Variants in PTPRD observed in about 807,000 individuals in gnomAD.
The protein encoded by PTPRD is receptor-type tyrosine-protein phosphatase delta.
PTPRD carries 34 observed loss-of-function variants against 214.5 expected under a neutral mutation model. That is an observed-to-expected ratio of 0.16 (90% CI 0.12 to 0.21). PTPRD has a LOEUF of 0.21. Ranked by LOEUF, PTPRD falls within the 10% of genes least tolerant of loss-of-function variation. The pLI is 1.00. For missense variants in PTPRD, 2,545 were observed against 2,398.7 expected, an observed-to-expected ratio of 1.06 and a Z score of -1.27; for synonymous variants, 1,128 against 845.7, an observed-to-expected ratio of 1.33 and a Z score of -5.79.
chr9:9,446,495 G>T (rs1177428974), intron 8 of PTPRD, among the ~76,000 whole-genome samples: 1 of 152,164 alleles, frequency 6.6e-6, no homozygotes, highest in Non-Finnish European at 1.5e-5. Flanking sequence ...AGGAATCAAT[G>T]TGGCCTTTGG....
intron 9 of PTPRD, among the ~76,000 whole-genome samples, chr9:9,241,812 T>C (rs1569565455): frequency 6.6e-6 from 1 of 151,922 alleles, no homozygotes; most frequent in Non-Finnish European, 1.5e-5. Flanking sequence ...TGCCAGTCTG[T>C]GTCTTTTAAT....
intron 10 of PTPRD, among the ~76,000 whole-genome samples, chr9:9,171,886 GT>G (rs891192852): frequency 4.6e-5 from 7 of 152,002 alleles, no homozygotes; most frequent in African/African-American, 1.7e-4. Flanking sequence ...CAAAAATAAG[GT>G]TAAAATTTGG....
Position 9,134,115 on chromosome 9 carries a change from G to C in PTPRD, c.-143+49189C>G, listed in dbSNP as rs1207929850. ...GAGTCTCGCTCTGTCGCCCAGGCTG[G>C]ACTGCGGACTGCAGTGGCGCAATCT... On this transcript the variant is annotated intron_variant, in intron 10 of 45. Transcript: ENST00000381196. Among the ~76,000 whole-genome samples, 2 of 122,540 alleles carry C rather than the reference G, an allele frequency of 1.6e-5. 1 individual carries two copies. The highest frequency in any genetic ancestry group is 1.9e-4 in the Admixed American group (2 of 10,440). 80.4% of individuals were successfully genotyped at this position (122,540 alleles called of 152,430 possible).
chr9:10,501,368 T>C (rs987719116), intron 2 of PTPRD, among the ~76,000 whole-genome samples: 2 of 152,048 alleles, frequency 1.3e-5, no homozygotes, highest in Non-Finnish European at 2.9e-5. Flanking sequence ...TAAACATTTG[T>C]CCATTTTTAA....
intron 11 of PTPRD, among the ~76,000 whole-genome samples, chr9:8,936,567 A>G (rs939078802): frequency 3.3e-5 from 5 of 151,746 alleles, no homozygotes; most frequent in Non-Finnish European, 7.4e-5. Context: ...TCAGTAGTTC[A>G]TCTCTAAGGC....
At chr9:9,069,354 C>CA (rs567174661) in intron 10 of PTPRD, among the ~76,000 whole-genome samples, 4 of 152,124 alleles carry the variant, frequency 2.6e-5, no homozygotes, top group Non-Finnish European at 5.9e-5. Flanking sequence ...TATTCACACA[C>CA]AAAAAACTGG....
chr9:8,614,619 A>G (rs1360789807), intron 14 of PTPRD, among the ~76,000 whole-genome samples: 2 of 152,160 alleles, frequency 1.3e-5, no homozygotes, highest in East Asian at 3.9e-4. Flanking sequence ...TATCTTTGCA[A>G]AGATAACTAC....
chr9:8,924,892 A>G (rs1342324403), intron 11 of PTPRD, among the ~76,000 whole-genome samples: 3 of 152,196 alleles, frequency 2.0e-5, no homozygotes, highest in Non-Finnish European at 4.4e-5. Flanking sequence ...CTGGGTAATC[A>G]GAATAAGCCT....
chr9:10,548,834 G>A (rs568427664), intron 2 of PTPRD, among the ~76,000 whole-genome samples: 1 of 152,232 alleles, frequency 6.6e-6, no homozygotes, highest in South Asian at 2.1e-4. Context: ...GTCTCCATGG[G>A]GGAAAGAAGC....
rs573921576 is a variant in PTPRD, at chr9:8,324,924, C to T, written c.5535-4958G>A. ...CTTTTGAGAAGTGTCTGTTCATATC[C>T]TTCGCCCACTTTTTGATGAGGTTGT... On this transcript the variant is annotated intron_variant, in intron 44 of 45. Coordinates refer to ENST00000381196, the MANE Select transcript of PTPRD (RefSeq NM_002839.4). 4.6e-5 allele frequency among the ~76,000 whole-genome samples: 7 copies of T among 152,242 alleles called. No homozygotes were observed. The East Asian group carries it at 1.2e-3, about 25-fold the overall frequency.
chr9:9,249,630 G>T (rs933018612), intron 9 of PTPRD, among the ~76,000 whole-genome samples: 2 of 151,762 alleles, frequency 1.3e-5, no homozygotes, highest in African/African-American at 4.8e-5. Context: ...TTTCTCTTGG[G>T]TTGTCCAACT....
intron 9 of PTPRD, among the ~76,000 whole-genome samples, chr9:9,317,110 T>C (rs1569567313): frequency 6.6e-6 from 1 of 152,214 alleles, no homozygotes; most frequent in African/African-American, 2.4e-5. Context: ...TTCAATGTTT[T>C]ACTTTCTACT....
intron 14 of PTPRD, among the ~76,000 whole-genome samples, chr9:8,598,406 A>T (rs751261530): frequency 6.6e-6 from 1 of 152,088 alleles, no homozygotes; most frequent in African/African-American, 2.4e-5. Flanking sequence ...GGCTGCAGTG[A>T]GCCGAGATCA....
intron 8 of PTPRD, among the ~76,000 whole-genome samples, chr9:9,437,942 T>C (rs1402386142): frequency 6.6e-6 from 1 of 152,216 alleles, no homozygotes; most frequent in Non-Finnish European, 1.5e-5. Flanking sequence ...TTCTGGAGGC[T>C]ACAACTTTGA....
intron 2 of PTPRD, among the ~76,000 whole-genome samples, chr9:10,487,832 A>G (rs1339343631): frequency 1.5e-5 from 2 of 132,816 alleles, no homozygotes; most frequent in African/African-American, 5.6e-5. Context: ...TTTTTAGAAG[A>G]ACTTTTTTTT....
intron 31 of PTPRD, among the ~76,000 whole-genome samples, chr9:8,470,525 A>G (rs1305182986): frequency 6.6e-6 from 1 of 152,182 alleles, no homozygotes; most frequent in East Asian, 1.9e-4. Flanking sequence ...CAAGGCAAAC[A>G]TCTGATAATC....
intron 3 of PTPRD, among the ~76,000 whole-genome samples, chr9:10,136,320 G>T (rs147272896): frequency 6.6e-6 from 1 of 152,008 alleles, no homozygotes; most frequent in Non-Finnish European, 1.5e-5. Context: ...GTGCTAGATA[G>T]ATCATCAAGG....
intron 4 of PTPRD, among the ~76,000 whole-genome samples, chr9:9,997,364 C>A (rs1279588653): frequency 6.6e-6 from 1 of 151,492 alleles, no homozygotes; most frequent in African/African-American, 2.4e-5. Flanking sequence ...TAGCTCACCG[C>A]AACCTCTGCC....
chr9:8,571,226 T>C (rs2091055016), intron 14 of PTPRD, among the ~76,000 whole-genome samples: 1 of 152,152 alleles, frequency 6.6e-6, no homozygotes, highest in Non-Finnish European at 1.5e-5. Context: ...TCTATTTCTA[T>C]TGTTCACTCT....
Sources: gnomAD v4.1 joint callset for allele counts (sites outside exome capture counted in the v4.1 genomes callset) on GRCh38, gnomAD v4.1.1 for gene constraint, MANE v1.5 for transcripts, NCBI Gene and HGNC (gene_info 2026-07-23, HGNC 2026-07-21) for gene names.